ASXL3: variants seen among roughly 807,000 people sequenced by gnomAD.
The protein encoded by ASXL3 is putative Polycomb group protein ASXL3.
ASXL3 carries 34 observed loss-of-function variants against 170.6 expected under a neutral mutation model. The observed-to-expected ratio is 0.20, with a 90% CI of 0.15 to 0.27. ASXL3 has a LOEUF of 0.27. Ranked by LOEUF, ASXL3 falls within the 10% of genes least tolerant of loss-of-function variation. ASXL3 has a pLI of 1.00. For missense variants in ASXL3, 2,592 were observed against 2,695.3 expected, an observed-to-expected ratio of 0.96 and a Z score of 0.85; for synonymous variants, 1,002 against 989.1, an observed-to-expected ratio of 1.01 and a Z score of -0.24.
intron 1 of ASXL3, among the ~76,000 whole-genome samples, chr18:33,596,221 T>G (rs1446550252): frequency 6.6e-6 from 1 of 152,184 alleles, no homozygotes; most frequent in Admixed American, 6.5e-5. Flanking sequence ...GACATATAGC[T>G]TAGTTCCTTC....
chr18:33,590,714 T>C (rs2065070266), intron 1 of ASXL3, among the ~76,000 whole-genome samples: 1 of 152,216 alleles, frequency 6.6e-6, no homozygotes. Context: ...ATCTCTTTGG[T>C]CTGTTTCTAC....
At chr18:33,683,361 C>A in intron 7 of ASXL3, 44 bp from the exon 8 acceptor site, 1 of 1,555,812 alleles carries the variant, frequency 6.4e-7, no homozygotes, top group South Asian at 1.2e-5. Flanking sequence ...TACACGTTTC[C>A]CTCTACCTGT....
chr18:33,646,123 A>G, intron 3 of ASXL3, 122 bp from the exon 4 acceptor site: 1 of 665,546 alleles, frequency 1.5e-6, no homozygotes, highest in Non-Finnish European at 2.4e-6. Flanking sequence ...TAAAAAGTAA[A>G]TCATTATTGA....
intron 8 of ASXL3, among the ~76,000 whole-genome samples, chr18:33,699,881 T>G (rs906692612): frequency 6.6e-6 from 1 of 152,092 alleles, no homozygotes; most frequent in Non-Finnish European, 1.5e-5. Flanking sequence ...TTATACATTA[T>G]TTTTTATTTA....
Position 33,646,333 on chromosome 18 carries a change from C to A in ASXL3, c.335C>A (p.Ala112Asp), listed in dbSNP as rs757693785. 6.2e-7 allele frequency: 1 copy of A among 1,608,290 alleles called. No individual in the cohort carries two copies. The highest frequency in any genetic ancestry group is 1.7e-5 in the Admixed American group (1 of 59,516). The change falls in exon 4 of 12, where the codon GCC (alanine) becomes GAC (aspartate). Residue 112 changes from alanine to aspartate, a missense_variant. By Grantham distance (126) the Ala-to-Asp change is moderately radical. Coordinates refer to ENST00000269197, the MANE Select transcript of ASXL3 (RefSeq NM_030632.3). ...GGTACAGATATGGCCGAGGCAAATGCCCATGGAGAAGAAAATGGAGGTAAG... is the reference window on the plus strand; with the variant it reads ...GGTACAGATATGGCCGAGGCAAATGACCATGGAGAAGAAAATGGAGGTAAG... The part of the protein sequence containing the change: ...LDGTDMAEAN[A>D]HGEENGVCSK...
At chr18:33,626,123 C>A (rs2065598944) in intron 2 of ASXL3, among the ~76,000 whole-genome samples, 1 of 151,962 alleles carries the variant, frequency 6.6e-6, no homozygotes, top group Non-Finnish European at 1.5e-5. Context: ...ACAGTGAATT[C>A]TCTGGTTCAA....
intron 5 of ASXL3, among the ~76,000 whole-genome samples, chr18:33,665,098 A>G (rs2066236238): frequency 6.6e-6 from 1 of 152,336 alleles, no homozygotes; most frequent in East Asian, 1.9e-4. Context: ...ATTTTAAAAT[A>G]TAATTCAGAA....
chr18:33,743,701 A>T lies in ASXL3; in HGVS notation c.3853A>T (p.Ile1285Phe). 6.2e-7 allele frequency: 1 copy of T among 1,613,912 alleles called. No homozygotes were observed. The highest frequency in any genetic ancestry group is 8.5e-7 in the Non-Finnish European group (1 of 1,179,900). The change falls in exon 12 of 12, where the codon ATC becomes TTC. Residue 1285 changes from isoleucine to phenylalanine, a missense_variant. Ile to Phe is a conservative substitution (Grantham distance 21). Transcript: ENST00000269197. ...TTGTAATATAAGCATGTTAAAAACCATCCAGGGAACTGACACTCCATGCAT... is the reference window on the plus strand; with the variant it reads ...TTGTAATATAAGCATGTTAAAAACCTTCCAGGGAACTGACACTCCATGCAT... ...SACNISMLKT[I>F]QGTDTPCIAI...
chr18:33,594,934 C>G (rs2065112036), intron 1 of ASXL3, among the ~76,000 whole-genome samples: 1 of 152,010 alleles, frequency 6.6e-6, no homozygotes, highest in Admixed American at 6.6e-5. Context: ...TATAGTAAAT[C>G]AGGCTGGGAG....
At chr18:33,681,297 T>C (rs2066510830) in intron 7 of ASXL3, among the ~76,000 whole-genome samples, 1 of 152,186 alleles carries the variant, frequency 6.6e-6, no homozygotes, top group Non-Finnish European at 1.5e-5. Context: ...TATCATTGCC[T>C]CTGCAACCAT....
chr18:33,672,571 A>T (rs2066360898), intron 7 of ASXL3, among the ~76,000 whole-genome samples: 1 of 152,172 alleles, frequency 6.6e-6, no homozygotes, highest in Non-Finnish European at 1.5e-5. Context: ...CTGCACCTAG[A>T]TCCTGATGGC....
chr18:33,717,536 T>G (rs560014758), intron 8 of ASXL3, among the ~76,000 whole-genome samples: 1 of 152,254 alleles, frequency 6.6e-6, no homozygotes, highest in East Asian at 1.9e-4. Context: ...TCAAAGCTGT[T>G]AAGAAATTGG....
intron 10 of ASXL3, 65 bp from the exon 11 acceptor site, chr18:33,738,422 G>A: frequency 7.0e-7 from 1 of 1,437,768 alleles, no homozygotes; most frequent in Non-Finnish European, 9.3e-7. Context: ...ACATTCATGA[G>A]AGATCCCAGT....
chr18:33,579,407 G>A, intron 1 of ASXL3, among the ~76,000 whole-genome samples: 1 of 152,276 alleles, frequency 6.6e-6, no homozygotes, highest in East Asian at 1.9e-4. Flanking sequence ...ATTTGTAGTG[G>A]GAGGTTATTA....
intron 2 of ASXL3, among the ~76,000 whole-genome samples, chr18:33,644,448 G>T (rs889117657): frequency 6.6e-6 from 1 of 150,888 alleles, no homozygotes; most frequent in African/African-American, 2.4e-5. Context: ...GAATGGGATG[G>T]AGCTGCTCTT....
chr18:33,646,080 G>GTTT (rs1212722260), intron 3 of ASXL3, among the ~76,000 whole-genome samples, 165 bp from the exon 4 acceptor site: 1 of 145,820 alleles, frequency 6.9e-6, no homozygotes. Flanking sequence ...GCTTTACCCA[G>GTTT]TTTTTTTTTT....
intron 2 of ASXL3, among the ~76,000 whole-genome samples, chr18:33,619,118 A>G (rs2065471500): frequency 6.6e-6 from 1 of 152,172 alleles, no homozygotes; most frequent in Admixed American, 6.5e-5. Flanking sequence ...TTTACCAGTA[A>G]AGAATCAGAG....
intron 2 of ASXL3, among the ~76,000 whole-genome samples, chr18:33,636,210 AT>A (rs1412397814): frequency 6.6e-6 from 1 of 152,060 alleles, no homozygotes; most frequent in East Asian, 1.9e-4. Flanking sequence ...GTTGGAGAAG[AT>A]GAAGATGAGG....
At chr18:33,714,063 G>A (rs1331884996) in intron 8 of ASXL3, among the ~76,000 whole-genome samples, 1 of 152,086 alleles carries the variant, frequency 6.6e-6, no homozygotes, top group African/African-American at 2.4e-5. Context: ...ACATGACAAG[G>A]CCTCTGTATC....
Sources: allele counts gnomAD v4.1 joint callset (sites outside exome capture counted in the v4.1 genomes callset), GRCh38; gene constraint gnomAD v4.1.1; transcripts MANE v1.5; gene names NCBI Gene and HGNC (gene_info 2026-07-23, HGNC 2026-07-21).